Variants in DNAJB4 observed in about 807,000 individuals in gnomAD.
The protein encoded by DNAJB4 is DnaJ heat shock protein family (Hsp40) member B4.
In DNAJB4, 10 loss-of-function variants were observed where a neutral mutation model predicts 26.6. The observed-to-expected ratio is 0.38, with a 90% CI of 0.23 to 0.64. The LOEUF is 0.64. Ranked by LOEUF, DNAJB4 falls within the 30% of genes least tolerant of loss-of-function variation. DNAJB4 has a pLI of 0.58. For synonymous variants in DNAJB4, 136 were observed against 134.8 expected (o/e 1.01, Z -0.06); for missense variants, 328 against 408.2 (o/e 0.80, Z 1.69).
At chr1:78,015,756 T>C (rs1250512514) in intron 2 of DNAJB4, among the ~76,000 whole-genome samples, 4 of 151,988 alleles carry the variant, frequency 2.6e-5, no homozygotes, top group East Asian at 1.9e-4. Flanking sequence ...TCCATGTTGG[T>C]GAGGCTGGTC....
At chr1:78,014,058 TATAC>T (rs886255980) in intron 2 of DNAJB4, among the ~76,000 whole-genome samples, 9 of 152,014 alleles carry the variant, frequency 5.9e-5, no homozygotes, top group Admixed American at 5.9e-4. Context: ...CATATAAATA[TATAC>T]ATTTATAAAT....
At chr1:78,002,359 A>G (rs117913245), upstream of DNAJB4, among the ~76,000 whole-genome samples, 9 of 152,302 alleles carry the variant, frequency 5.9e-5, no homozygotes, top group East Asian at 1.3e-3. Flanking sequence ...ATCGTATTGT[A>G]TAATGGATTT....
rs574113622 is a variant in DNAJB4 at position 78,005,375 on chromosome 1, T to C, written c.211+54T>C. On this transcript the variant is annotated intron_variant, in intron 1 of 2. Transcript: ENST00000370763. ...TCTTCAGCTCTGTCTCTTTTTTTTTTTTCTCTCTCTCTGCCAGCCTTTTTC... is the reference window on the plus strand; with the variant it reads ...TCTTCAGCTCTGTCTCTTTTTTTTTCTTCTCTCTCTCTGCCAGCCTTTTTC... 33 of 1,354,306 alleles carry C rather than the reference T, an allele frequency of 2.4e-5. 3 individuals carry two copies. The South Asian group carries it at 4.5e-4, about 18-fold the overall frequency. The allele number at this position is 1,354,306 out of a possible 1,614,324, so 83.9% of individuals were successfully genotyped here.
chr1:77,994,233 C>G (rs1660006748), intron 1 of DNAJB4, among the ~76,000 whole-genome samples: 1 of 151,782 alleles, frequency 6.6e-6, no homozygotes, highest in Non-Finnish European at 1.5e-5. Flanking sequence ...GAGACCCTAT[C>G]TCTACAAAAG....
At chr1:77,998,849 A>AATAC (rs1455759371) in intron 1 of DNAJB4, among the ~76,000 whole-genome samples, 1 of 151,822 alleles carries the variant, frequency 6.6e-6, no homozygotes, top group Non-Finnish European at 1.5e-5. Flanking sequence ...TCTCTAAATA[A>AATAC]ATAAATAAAT....
At chr1:78,012,073 G>A (rs1305449523) in intron 1 of DNAJB4, among the ~76,000 whole-genome samples, 2 of 144,704 alleles carry the variant, frequency 1.4e-5, no homozygotes, top group East Asian at 4.2e-4. Flanking sequence ...TTTATAAGTA[G>A]ATACTTATAT....
Position 78,005,219 on chromosome 1 carries a change from A to C in DNAJB4, c.109A>C (p.Lys37Gln), listed in dbSNP as rs1277850307. Residue 37 changes from lysine to glutamine, a missense_variant, in exon 1 of 3, where the codon AAA becomes CAA. Lys to Gln is a moderately conservative substitution (Grantham distance 53). Transcript: ENST00000370763. ...CCTCAAATTTCATCCGGACAAGAAC[A>C]AATCTCCTCAGGCAGAGGAAAAATT... ...QALKFHPDKN[K>Q]SPQAEEKFKE... 6.2e-7 allele frequency: 1 copy of C among 1,614,038 alleles called. No homozygotes were observed. The highest frequency in any genetic ancestry group is 1.3e-5 in the African/African-American group (1 of 74,946).
chr1:77,994,955 T>G (rs1165217617), intron 1 of DNAJB4, among the ~76,000 whole-genome samples: 1 of 152,166 alleles, frequency 6.6e-6, no homozygotes, highest in African/African-American at 2.4e-5. Context: ...TGGGCTGAGA[T>G]TCACAGGCTG....
intron 1 of DNAJB4, among the ~76,000 whole-genome samples, chr1:77,992,412 CAAAAA>C (rs67649336): frequency 1.5e-4 from 7 of 47,742 alleles, no homozygotes; most frequent in African/African-American, 5.8e-4. Flanking sequence ...GACTCCGTCT[CAAAAA>C]AAAAAAAAAA....
At chr1:77,997,622 T>G (rs1156327791) in intron 1 of DNAJB4, among the ~76,000 whole-genome samples, 3 of 152,140 alleles carry the variant, frequency 2.0e-5, no homozygotes, top group Non-Finnish European at 4.4e-5. Context: ...TCAAATACAT[T>G]TTATGCTCTT....
intron 1 of DNAJB4, among the ~76,000 whole-genome samples, chr1:78,008,300 T>C (rs1468420544): frequency 1.3e-5 from 2 of 152,234 alleles, no homozygotes; most frequent in Non-Finnish European, 2.9e-5. Flanking sequence ...TGAATGCTTA[T>C]AGCAGCATTA....
At chr1:77,998,116 G>A (rs755364286) in intron 1 of DNAJB4, among the ~76,000 whole-genome samples, 15 of 152,078 alleles carry the variant, frequency 9.9e-5, no homozygotes, top group Non-Finnish European at 8.8e-5. Context: ...ATCTCATTTC[G>A]TTATTAACTT....
At chr1:78,014,966 C>G (rs535339563) in intron 2 of DNAJB4, among the ~76,000 whole-genome samples, 111 of 152,252 alleles carry the variant, frequency 7.3e-4, no homozygotes, top group African/African-American at 2.5e-3. Context: ...GTTTCTTACC[C>G]TGCTCTAATA....
At chr1:78,001,477 T>A (rs1660193673), upstream of DNAJB4, among the ~76,000 whole-genome samples, 1 of 152,214 alleles carries the variant, frequency 6.6e-6, no homozygotes, top group South Asian at 2.1e-4. Flanking sequence ...ATGATCTGAA[T>A]TTTGATGTAA....
chr1:77,992,605 C>T (rs1301550877), intron 1 of DNAJB4: 1 of 152,134 alleles, frequency 6.6e-6, no homozygotes, highest in African/African-American at 2.4e-5. Flanking sequence ...ACATGCCACC[C>T]TTTTTGATAA....
intron 1 of DNAJB4, among the ~76,000 whole-genome samples, chr1:78,009,775 G>T (rs1216451009): frequency 2.6e-5 from 4 of 151,980 alleles, no homozygotes. Context: ...ACAGGCGTGC[G>T]CCACCACGCC....
chr1:77,995,038 A>G (rs1660027953), intron 1 of DNAJB4, among the ~76,000 whole-genome samples: 1 of 152,220 alleles, frequency 6.6e-6, no homozygotes, highest in Non-Finnish European at 1.5e-5. Flanking sequence ...CCAACACAGT[A>G]GCCACTAGCC....
At chr1:77,994,728 T>C (rs975867369) in intron 1 of DNAJB4, among the ~76,000 whole-genome samples, 7 of 152,330 alleles carry the variant, frequency 4.6e-5, no homozygotes, top group East Asian at 1.9e-4. Context: ...TTCCAAGTGT[T>C]GCTTTTACAA....
At chr1:78,005,392 G>A in intron 1 of DNAJB4, 71 bp downstream of exon 1, 3 of 1,295,170 alleles carry the variant, frequency 2.3e-6, no homozygotes, top group Non-Finnish European at 3.1e-6. Flanking sequence ...CTCTCTGCCA[G>A]CCTTTTTCCC....
Sources: gnomAD v4.1 joint callset for allele counts (sites outside exome capture counted in the v4.1 genomes callset) on GRCh38, gnomAD v4.1.1 for gene constraint, MANE v1.5 for transcripts, NCBI Gene and HGNC (gene_info 2026-07-23, HGNC 2026-07-21) for gene names.